Variants in OPALIN observed in about 807,000 individuals in gnomAD.
The protein encoded by OPALIN is transmembrane protein 10.
In OPALIN, 15 loss-of-function variants were observed where a neutral mutation model predicts 17.8. The ratio of observed to expected loss-of-function variants is 0.84; its 90% CI spans 0.56 to 1.29. OPALIN has a LOEUF of 1.29. Ranked by LOEUF, OPALIN falls within the 50% of genes most tolerant of loss-of-function variation. OPALIN has a pLI of 0.00. For missense variants in OPALIN, 170 were observed against 176.0 expected (o/e 0.97, Z 0.19); for synonymous variants, 62 against 63.8 (o/e 0.97, Z 0.14).
At chr10:96,356,825 A>T (rs1285946112) in intron 1 of OPALIN, 2 of 942,858 alleles carry the variant, frequency 2.1e-6, no homozygotes, top group Non-Finnish European at 2.5e-6. Flanking sequence ...GCAATAGGAC[A>T]CCCGCATTTT....
chr10:96,358,224 A>G (rs1434761098), intron 1 of OPALIN, among the ~76,000 whole-genome samples: 1 of 135,878 alleles, frequency 7.4e-6, no homozygotes, highest in East Asian at 2.1e-4. Context: ...AAATTCCACA[A>G]GAAAGTGAGA....
intron 1 of OPALIN, chr10:96,357,171 C>T: frequency 2.0e-6 from 2 of 985,256 alleles, no homozygotes; most frequent in Non-Finnish European, 2.4e-6. Flanking sequence ...AATGCAGCTG[C>T]CCAGAGCTTT....
Position 96,348,364 on chromosome 10 carries a change from A to T in OPALIN, c.193-19T>A. The T allele has an allele frequency of 8.0e-7, 1 of 1,250,858 alleles. No homozygotes were observed. Among genetic ancestry groups the T allele is most frequent in the Non-Finnish European group, 1.2e-6 (1 of 861,264 alleles). The allele number at this position is 1,250,858 out of a possible 1,614,324, so 77.5% of individuals were successfully genotyped here. The stretch of plus-strand genomic sequence containing the variant: ...CACTTTCCTAAATTGGAAAAAATAT[A>T]ATAATAAAAGAAAGAAAGAAGAAGA... On this transcript the variant is annotated intron_variant, in intron 4 of 5. Transcript: ENST00000371172.
rs1464216961 is a variant in OPALIN, at chr10:96,349,761, C to T, written c.138G>A (p.Val46=). The change falls in exon 4 of 6, where the codon GTG becomes GTA. Residue 46 remains valine, a synonymous_variant. Transcript: ENST00000371172. ...GGTGAATCAAAGTAAATAGTAAAGC[C>T]ACCAGCAGGGCTGTGGCCACCAGCA... ...IPLLVATALL[V]ALLFTLIHRR... is the part of the protein sequence containing the mutation. 1 of 1,613,864 alleles carries T rather than the reference C, an allele frequency of 6.2e-7. No individual in the cohort carries two copies. The highest frequency in any genetic ancestry group is 8.5e-7 in the Non-Finnish European group (1 of 1,179,948).
At chr10:96,352,098 T>G (rs1170886162) in intron 2 of OPALIN, among the ~76,000 whole-genome samples, 1 of 152,114 alleles carries the variant, frequency 6.6e-6, no homozygotes, top group African/African-American at 2.4e-5. Flanking sequence ...GAACAGCCAT[T>G]TCTCAATTTA....
Position 96,348,228 on chromosome 10 carries a change from C to T in OPALIN, c.249+61G>A, listed in dbSNP as rs533806475. The T allele has an allele frequency of 1.2e-3, 947 of 803,846 alleles. 17 individuals carry two copies. In the South Asian group the frequency reaches 0.019, roughly 16 times the overall value. 49.8% of individuals were successfully genotyped at this position (803,846 alleles called of 1,614,324 possible). ...TGTGCTTCTTTTGGTGAAAGGCTTT[C>T]AAACACTTAGCTTGTTTACTGTGTG... is the stretch of plus-strand genomic sequence containing the variant. On this transcript the variant is annotated intron_variant, in intron 5 of 5. Coordinates refer to ENST00000371172, the MANE Select transcript of OPALIN (RefSeq NM_033207.5).
In OPALIN at chr10:96,343,953, A is replaced by T. The variant is rs1369629673; in HGVS notation, c.*1988T>A. On this transcript the variant is annotated 3_prime_UTR_variant, in exon 6 of 6. Transcript: ENST00000371172. Reference sequence around the variant, plus strand: ...CCCACTGGGAGGCCTGGCCTGCTAGAGGGCAATGGCTATACATGGGGGAAC... The same window carrying T: ...CCCACTGGGAGGCCTGGCCTGCTAGTGGGCAATGGCTATACATGGGGGAAC... 2 of 152,216 alleles carry T rather than the reference A, an allele frequency of 1.3e-5. No individual in the cohort carries two copies. Among genetic ancestry groups the T allele is most frequent in the Admixed American group, 1.3e-4 (2 of 15,288 alleles). 9.4% of individuals were successfully genotyped at this position (152,216 alleles called of 1,614,324 possible).
At chr10:96,353,507 C>A (rs1845675056) in intron 2 of OPALIN, 6 of 1,339,632 alleles carry the variant, frequency 4.5e-6, no homozygotes, top group Middle Eastern at 1.8e-4. Context: ...CAACACCAGG[C>A]AAAGCAAAAT....
chr10:96,357,636 C>T (rs1306712759), intron 1 of OPALIN, among the ~76,000 whole-genome samples: 4 of 152,220 alleles, frequency 2.6e-5, no homozygotes, highest in Non-Finnish European at 5.9e-5. Context: ...GCCTTGCCCA[C>T]TTCACAAGGG....
At chr10:96,354,096 C>T (rs1445831078) in intron 2 of OPALIN, among the ~76,000 whole-genome samples, 2 of 152,134 alleles carry the variant, frequency 1.3e-5, no homozygotes, top group Non-Finnish European at 2.9e-5. Flanking sequence ...AATAACCAGA[C>T]AACTTATCAG....
chr10:96,346,221 A>C (rs1178002270), intron 5 of OPALIN, 104 bp from the exon 6 acceptor site: 6 of 912,934 alleles, frequency 6.6e-6, no homozygotes, highest in Non-Finnish European at 1.0e-5. Flanking sequence ...AATAACCAAA[A>C]TCAGACACAA....
chr10:96,344,005 G>GAGTGAA lies in OPALIN; in HGVS notation c.*1930_*1935dup, dbSNP rs1357954373. The GAGTGAA allele has an allele frequency of 6.6e-6, 1 of 152,254 alleles. No homozygotes were observed. The highest frequency in any genetic ancestry group is 1.9e-4 in the East Asian group (1 of 5,168). The allele number at this position is 152,254 out of a possible 1,614,324, so 9.4% of individuals were successfully genotyped here. A position where few individuals can be genotyped will look rare whatever the true frequency, so the allele number is the denominator to read the frequency against. On this transcript the variant is annotated 3_prime_UTR_variant, in exon 6 of 6. Transcript: ENST00000371172. ...AGGCTGCCTGGAAGCCTCCTCATGG[G>GAGTGAA]AGTGAAAGTGAAAGCCTGTCCCAAG... is the stretch of plus-strand genomic sequence containing the variant.
At chr10:96,353,755 G>A (rs952256529) in intron 2 of OPALIN, among the ~76,000 whole-genome samples, 1 of 152,316 alleles carries the variant, frequency 6.6e-6, no homozygotes, top group African/African-American at 2.4e-5. Context: ...AACAGCCAGG[G>A]GAAAGTTCCA....
chr10:96,352,981 A>T (rs1845649958), intron 2 of OPALIN, among the ~76,000 whole-genome samples: 1 of 152,222 alleles, frequency 6.6e-6, no homozygotes, highest in African/African-American at 2.4e-5. Context: ...GCTGTTCAAG[A>T]ATTTTTCCCA....
rs72007324 is a variant in OPALIN, at chr10:96,352,681, T to TAAA, written c.40-1274_40-1272dup. On this transcript the variant is annotated intron_variant, in intron 2 of 5. Coordinates refer to ENST00000371172, the MANE Select transcript of OPALIN (RefSeq NM_033207.5). ...GAAATACACTTAGGGTGGCTTTCAC[T>TAAA]AAAAAAAAAAAAAAAAAAAGGAAGG... Among the ~76,000 whole-genome samples, 770 of 96,772 alleles carry TAAA rather than the reference T, an allele frequency of 8.0e-3. 7 individuals are homozygous for TAAA. Among genetic ancestry groups the TAAA allele is most frequent in the African/African-American group, 0.027 (697 of 25,574 alleles). 63.5% of individuals were successfully genotyped at this position (96,772 alleles called of 152,430 possible). A position where few individuals can be genotyped will look rare whatever the true frequency, so the allele number is the denominator to read the frequency against.
Position 96,344,682 on chromosome 10 carries a change from G to C in OPALIN, c.*1259C>G, listed in dbSNP as rs73320790. 1.4e-4 allele frequency: 22 copies of C among 152,198 alleles called. No individual in the cohort carries two copies. The East Asian group carries it at 4.1e-3, about 28-fold the overall frequency. 9.4% of individuals were successfully genotyped at this position (152,198 alleles called of 1,614,324 possible). A position where few individuals can be genotyped will look rare whatever the true frequency, so the allele number is the denominator to read the frequency against. On this transcript the variant is annotated 3_prime_UTR_variant, in exon 6 of 6. Coordinates refer to ENST00000371172, the MANE Select transcript of OPALIN (RefSeq NM_033207.5). Reference sequence around the variant, plus strand: ...GCAAGCTGAAGCGGCAATGCTATGCGTGGGCTTAAGGGCTCTTGTTTAATC... The same window carrying C: ...GCAAGCTGAAGCGGCAATGCTATGCCTGGGCTTAAGGGCTCTTGTTTAATC...
At chr10:96,357,322 G>A (rs564329595) in intron 1 of OPALIN, among the ~76,000 whole-genome samples, 1 of 152,324 alleles carries the variant, frequency 6.6e-6, no homozygotes, top group Admixed American at 6.5e-5. Flanking sequence ...GGAGATTTTG[G>A]CCAATTTCAG....
chr10:96,353,587 A>C, intron 2 of OPALIN: 1 of 742,328 alleles, frequency 1.3e-6, no homozygotes, highest in Admixed American at 1.8e-5. Context: ...GTTAACCAAG[A>C]GAGTACTCCA....
At chr10:96,352,878 G>T (rs1176111528) in intron 2 of OPALIN, among the ~76,000 whole-genome samples, 1 of 152,154 alleles carries the variant, frequency 6.6e-6, no homozygotes, top group Non-Finnish European at 1.5e-5. Flanking sequence ...TCTGATGTTT[G>T]CTTCTCTCTT....
Sources: gnomAD v4.1 joint callset for allele counts (sites outside exome capture counted in the v4.1 genomes callset) on GRCh38, gnomAD v4.1.1 for gene constraint, MANE v1.5 for transcripts, NCBI Gene and HGNC (gene_info 2026-07-23, HGNC 2026-07-21) for gene names.